MYEF2: variants seen among roughly 807,000 people sequenced by gnomAD.
MYEF2 encodes myelin expression factor 2, also known as myelin gene expression factor 2.
MYEF2 carries 37 observed loss-of-function variants against 75.2 expected under a neutral mutation model. The ratio of observed to expected loss-of-function variants is 0.49; its 90% CI spans 0.38 to 0.65. The LOEUF (loss-of-function observed/expected upper bound fraction) is 0.65. Ranked by LOEUF, MYEF2 falls within the 30% of genes least tolerant of loss-of-function variation. MYEF2 has a pLI of 0.00. For synonymous variants in MYEF2, 195 were observed against 241.6 expected (o/e 0.81, Z 1.79); for missense variants, 634 against 771.4 (o/e 0.82, Z 2.11).
At chr15:48,170,519 T>G (rs2040289742) in intron 1 of MYEF2, among the ~76,000 whole-genome samples, 1 of 152,346 alleles carries the variant, frequency 6.6e-6, no homozygotes, top group Admixed American at 6.5e-5. Flanking sequence ...CAAACATTAC[T>G]AATAATATCA....
intron 3 of MYEF2, among the ~76,000 whole-genome samples, chr15:48,166,954 T>C (rs899615573): frequency 1.8e-4 from 28 of 151,988 alleles, no homozygotes; most frequent in African/African-American, 6.8e-4. Flanking sequence ...AACTTTTCAG[T>C]AAAATTTCAA....
chr15:48,140,096 TA>T lies in MYEF2; in HGVS notation c.*2811del. On this transcript the variant is annotated 3_prime_UTR_variant, in exon 17 of 17. Transcript: ENST00000324324. Reference sequence around the variant, plus strand: ...AAAGTGGACTACTTCTTCCTTTTTTTAATGAGAAAAATGAAAAAGTCCAATT... The same window carrying T: ...AAAGTGGACTACTTCTTCCTTTTTTTATGAGAAAAATGAAAAAGTCCAATT... 1 of 152,160 alleles carries T rather than the reference TA, an allele frequency of 6.6e-6. No individual in the cohort carries two copies. Among genetic ancestry groups the T allele is most frequent in the South Asian group, 2.1e-4 (1 of 4,826 alleles). 9.4% of individuals were successfully genotyped at this position (152,160 alleles called of 1,614,324 possible). A position where few individuals can be genotyped will look rare whatever the true frequency, so the allele number is the denominator to read the frequency against.
intron 9 of MYEF2, 174 bp downstream of exon 9, chr15:48,157,819 A>G: frequency 7.4e-7 from 1 of 1,350,982 alleles, no homozygotes; most frequent in Non-Finnish European, 9.5e-7. Context: ...AATGGCACGT[A>G]ACACTTATCT....
Position 48,135,149 on chromosome 15 carries a change from C to T in MYEF2, c.*7759G>A, listed in dbSNP as rs1880894989. On this transcript the variant is annotated 3_prime_UTR_variant, in exon 17 of 17. Coordinates refer to ENST00000324324, the MANE Select transcript of MYEF2 (RefSeq NM_016132.5). Reference sequence around the variant, plus strand: ...CCTCATCACAATTGCTGATTGAGTTCTTCTCACTAGTTTGCAATTTCTTCT... The same window carrying T: ...CCTCATCACAATTGCTGATTGAGTTTTTCTCACTAGTTTGCAATTTCTTCT... The T allele has an allele frequency of 1.9e-6, 1 of 530,546 alleles. No homozygotes were observed. Among genetic ancestry groups the T allele is most frequent in the Non-Finnish European group, 3.4e-6 (1 of 296,312 alleles). 32.9% of individuals were successfully genotyped at this position (530,546 alleles called of 1,614,324 possible). A position where few individuals can be genotyped will look rare whatever the true frequency, so the allele number is the denominator to read the frequency against.
chr15:48,157,723 T>A, intron 9 of MYEF2: 8 of 1,128,376 alleles, frequency 7.1e-6, no homozygotes, highest in Non-Finnish European at 8.7e-6. Context: ...TACAGAGGAC[T>A]TTTTTTCCTT....
In MYEF2 at chr15:48,138,999, C is replaced by T; in HGVS notation, c.*3909G>A. 1 of 1,612,768 alleles carries T rather than the reference C, an allele frequency of 6.2e-7. No individual in the cohort carries two copies. Among genetic ancestry groups the T allele is most frequent in the Middle Eastern group, 1.7e-4 (1 of 6,052 alleles). On this transcript the variant is annotated 3_prime_UTR_variant, in exon 17 of 17. Transcript: ENST00000324324. ...CCAAGTGTTTTCAACATGCCTGAAG[C>T]AGACTTAAAAAGAATTTTTTGGGTA...
At chr15:48,176,160 G>A (rs2040508110) in intron 1 of MYEF2, among the ~76,000 whole-genome samples, 1 of 148,570 alleles carries the variant, frequency 6.7e-6, no homozygotes, top group South Asian at 2.1e-4. Context: ...AAAAGTATAT[G>A]GTAATCAACT....
rs542806581 is a variant in MYEF2 at position 48,165,363 on chromosome 15, T to C, written c.525+570A>G. 4.6e-5 allele frequency among the ~76,000 whole-genome samples: 7 copies of C among 152,250 alleles called. No homozygotes were observed. In the South Asian group the frequency reaches 1.4e-3, roughly 32 times the overall value. On this transcript the variant is annotated intron_variant, in intron 5 of 16. Transcript: ENST00000324324. ...TAAATTTTTTGTTTGTATCTTCTAGTCATTTTTTGTCAACCTGTTTACACT... is the reference window on the plus strand; with the variant it reads ...TAAATTTTTTGTTTGTATCTTCTAGCCATTTTTTGTCAACCTGTTTACACT...
At chr15:48,163,833 C>T (rs1001856552) in intron 5 of MYEF2, among the ~76,000 whole-genome samples, 1 of 152,142 alleles carries the variant, frequency 6.6e-6, no homozygotes, top group Non-Finnish European at 1.5e-5. Flanking sequence ...GCCTGGATGA[C>T]AGCACACCTG....
intron 2 of MYEF2, among the ~76,000 whole-genome samples, chr15:48,167,668 G>A (rs1187869268): frequency 2.0e-5 from 3 of 152,064 alleles, no homozygotes; most frequent in African/African-American, 7.2e-5. Context: ...GCATGATATA[G>A]TTGGTGAACA....
rs2039063969 is a variant in MYEF2, at chr15:48,141,067, T to G, written c.*1841A>C. 6.9e-7 allele frequency: 1 copy of G among 1,443,758 alleles called. No homozygotes were observed. The highest frequency in any genetic ancestry group is 9.7e-7 in the Non-Finnish European group (1 of 1,031,610). 89.4% of individuals were successfully genotyped at this position (1,443,758 alleles called of 1,614,324 possible). A position where few individuals can be genotyped will look rare whatever the true frequency, so the allele number is the denominator to read the frequency against. On this transcript the variant is annotated 3_prime_UTR_variant, in exon 17 of 17. Transcript: ENST00000324324. Reference sequence around the variant, plus strand: ...ATCCAAAATAACTGCAAAGGATGGTTAGTGAATCTTTAAGATTTGTAACTT... The same window carrying G: ...ATCCAAAATAACTGCAAAGGATGGTGAGTGAATCTTTAAGATTTGTAACTT...
chr15:48,146,273 T>C (rs1051612329), intron 16 of MYEF2, among the ~76,000 whole-genome samples: 3 of 151,834 alleles, frequency 2.0e-5, no homozygotes, highest in African/African-American at 7.2e-5. Flanking sequence ...TACTCAGCCT[T>C]TTTGAAAATG....
intron 2 of MYEF2, 127 bp from the exon 3 acceptor site, chr15:48,167,528 G>A (rs938534651): frequency 4.7e-5 from 33 of 703,750 alleles, no homozygotes; most frequent in African/African-American, 3.9e-4. Context: ...ATCAAAACCA[G>A]ACCAACATAC....
rs2040119344 is a variant in MYEF2, at chr15:48,165,999, A to T, written c.459T>A (p.Phe153Leu). 2.5e-6 allele frequency: 4 copies of T among 1,598,740 alleles called. No individual in the cohort carries two copies. The highest frequency in any genetic ancestry group is 3.4e-6 in the Non-Finnish European group (4 of 1,171,554). ...TCATAGTTTCTAGGGCTTTCTTTAC[A>T]AATTCTTCATCTTTGAATTCAACCA... is the stretch of plus-strand genomic sequence containing the variant. ...CGVVEFKDEEFVKKALETMNK... is the reference protein window; with the variant it reads ...CGVVEFKDEELVKKALETMNK... Residue 153 changes from phenylalanine to leucine, a missense_variant, in exon 5 of 17, where the codon TTT (phenylalanine) becomes TTA (leucine). Coordinates refer to ENST00000324324, the MANE Select transcript of MYEF2 (RefSeq NM_016132.5).
At position 48,137,009 on chromosome 15, in the gene MYEF2, A is replaced by C; in HGVS notation, c.*5899T>G. On this transcript the variant is annotated 3_prime_UTR_variant, in exon 17 of 17. Coordinates refer to ENST00000324324, the MANE Select transcript of MYEF2 (RefSeq NM_016132.5). Reference sequence around the variant, plus strand: ...ATTATTAAGTCTATTCGCAAAGGAAAAACTTTAAAATTTCATTTCAATTCA... The same window carrying C: ...ATTATTAAGTCTATTCGCAAAGGAACAACTTTAAAATTTCATTTCAATTCA... 1.3e-6 allele frequency: 2 copies of C among 1,536,980 alleles called. No homozygotes were observed. Among genetic ancestry groups the C allele is most frequent in the Non-Finnish European group, 1.8e-6 (2 of 1,142,418 alleles).
At position 48,138,342 on chromosome 15, in the gene MYEF2, T is replaced by C. The variant is rs1272879328; in HGVS notation, c.*4566A>G. ...TACTAAATTAAATTGAATAAAGAAA[T>C]ATACTCAATTTTCATAAATTGTACT... On this transcript the variant is annotated 3_prime_UTR_variant, in exon 17 of 17. Transcript: ENST00000324324. 6.6e-6 allele frequency: 1 copy of C among 151,996 alleles called. No homozygotes were observed. The highest frequency in any genetic ancestry group is 2.4e-5 in the African/African-American group (1 of 41,430). 9.4% of individuals were successfully genotyped at this position (151,996 alleles called of 1,614,324 possible). A position where few individuals can be genotyped will look rare whatever the true frequency, so the allele number is the denominator to read the frequency against.
chr15:48,144,487 G>A (rs1434882635), intron 16 of MYEF2, among the ~76,000 whole-genome samples: 4 of 151,858 alleles, frequency 2.6e-5, no homozygotes. Context: ...ACACAGGCCA[G>A]ATAGTCTTTA....
Position 48,137,381 on chromosome 15 carries a change from G to C in MYEF2, c.*5527C>G. The stretch of plus-strand genomic sequence containing the variant: ...AAATGATGCAGAGATAAAACACATA[G>C]AGCACAGTATGTGCATAGGAAGGAA... On this transcript the variant is annotated 3_prime_UTR_variant, in exon 17 of 17. Transcript: ENST00000324324. 1 of 159,072 alleles carries C rather than the reference G, an allele frequency of 6.3e-6. No individual in the cohort carries two copies. Among genetic ancestry groups the C allele is most frequent in the Non-Finnish European group, 1.4e-5 (1 of 72,702 alleles). 9.9% of individuals were successfully genotyped at this position (159,072 alleles called of 1,614,324 possible).
At chr15:48,160,482 A>AACTT (rs1567261525) in intron 5 of MYEF2, among the ~76,000 whole-genome samples, 1 of 140,004 alleles carries the variant, frequency 7.1e-6, no homozygotes, top group East Asian at 2.1e-4. Context: ...AACAAAACCA[A>AACTT]ACATACACAC....
Sources: gnomAD v4.1 joint callset for allele counts (sites outside exome capture counted in the v4.1 genomes callset) on GRCh38, gnomAD v4.1.1 for gene constraint, MANE v1.5 for transcripts, NCBI Gene and HGNC (gene_info 2026-07-23, HGNC 2026-07-21) for gene names.